SLC25A36: variants seen among roughly 807,000 people sequenced by gnomAD.
The protein encoded by SLC25A36 is epididymis secretory sperm binding protein.
A neutral mutation model predicts 35.3 loss-of-function variants in SLC25A36; 24 were observed. The observed-to-expected ratio is 0.68, with a 90% CI of 0.49 to 0.96. The LOEUF is 0.96. SLC25A36 is among the 40% of genes least tolerant of loss of function. The pLI is 0.00. For missense variants in SLC25A36, 294 were observed against 381.1 expected, an observed-to-expected ratio of 0.77 and a Z score of 1.90; for synonymous variants, 141 against 132.2, an observed-to-expected ratio of 1.07 and a Z score of -0.46.
chr3:140,976,786 CA>C lies in SLC25A36; in HGVS notation c.*334del, dbSNP rs376805711. The C allele has an allele frequency of 3.4e-3, 634 of 185,920 alleles. 5 individuals are homozygous for C. Among genetic ancestry groups the C allele is most frequent in the African/African-American group, 0.014 (599 of 42,738 alleles). 11.5% of individuals were successfully genotyped at this position (185,920 alleles called of 1,614,324 possible). A position where few individuals can be genotyped will look rare whatever the true frequency, so the allele number is the denominator to read the frequency against. On this transcript the variant is annotated 3_prime_UTR_variant, in exon 7 of 7. Coordinates refer to ENST00000324194, the MANE Select transcript of SLC25A36 (RefSeq NM_001104647.3). Reference sequence around the variant, plus strand: ...CTAAACAAAGCCATCCTTAATTTTACATACTGTATTGTAACTATCCAAAGAT... The same window carrying C: ...CTAAACAAAGCCATCCTTAATTTTACTACTGTATTGTAACTATCCAAAGAT...
intron 2 of SLC25A36, 158 bp downstream of exon 2, chr3:140,956,849 TG>T: frequency 8.3e-7 from 1 of 1,210,314 alleles, no homozygotes; most frequent in Non-Finnish European, 1.1e-6. Flanking sequence ...TAATCCCTAA[TG>T]GAGAAGAACA....
At chr3:140,974,720 T>C (rs1423234660) in intron 6 of SLC25A36, among the ~76,000 whole-genome samples, 1 of 152,162 alleles carries the variant, frequency 6.6e-6, no homozygotes, top group Non-Finnish European at 1.5e-5. Context: ...TTAAGATTTG[T>C]TTTTTAATGT....
intron 4 of SLC25A36, chr3:140,964,025 A>G (rs1934699607): frequency 6.6e-6 from 1 of 151,956 alleles, no homozygotes; most frequent in Non-Finnish European, 1.5e-5. Flanking sequence ...GATTTATTGT[A>G]TATTTACTCA....
chr3:140,942,507 C>G (rs1383251063), intron 1 of SLC25A36: 2 of 160,910 alleles, frequency 1.2e-5, no homozygotes, highest in Non-Finnish European at 2.7e-5. Context: ...CGCAATCTAG[C>G]AGGCGTCGGG....
chr3:140,979,208 T>G lies in SLC25A36; in HGVS notation c.*2755T>G, dbSNP rs1294479557. 1 of 152,222 alleles carries G rather than the reference T, an allele frequency of 6.6e-6. No individual in the cohort carries two copies. Among genetic ancestry groups the G allele is most frequent in the Admixed American group, 6.5e-5 (1 of 15,282 alleles). The allele number at this position is 152,222 out of a possible 1,614,324, so 9.4% of individuals were successfully genotyped here. A position where few individuals can be genotyped will look rare whatever the true frequency, so the allele number is the denominator to read the frequency against. The stretch of plus-strand genomic sequence containing the variant: ...AAGTCAGGATAGAATATCATTAGAT[T>G]ATCTGTGAGATAGCATTACTATGTT... On this transcript the variant is annotated 3_prime_UTR_variant, in exon 7 of 7. Coordinates refer to ENST00000324194, the MANE Select transcript of SLC25A36 (RefSeq NM_001104647.3).
chr3:140,956,505 T>G, intron 1 of SLC25A36, 22 bp from the exon 2 acceptor site: 1 of 1,536,752 alleles, frequency 6.5e-7, no homozygotes, highest in Non-Finnish European at 8.7e-7. Flanking sequence ...TAAGCTGTGT[T>G]CTTTTTTTTT....
intron 1 of SLC25A36, among the ~76,000 whole-genome samples, chr3:140,952,366 G>C (rs1412101395): frequency 1.3e-5 from 2 of 152,018 alleles, no homozygotes; most frequent in African/African-American, 2.4e-5. Flanking sequence ...GCTTAGGCTG[G>C]TTTCAAACTC....
intron 4 of SLC25A36, chr3:140,967,084 C>T: frequency 2.2e-6 from 1 of 454,278 alleles, no homozygotes; most frequent in South Asian, 1.6e-5. Flanking sequence ...ATAAGAAACC[C>T]ACCCTGGGAT....
chr3:140,952,824 G>A (rs1934363638), intron 1 of SLC25A36, among the ~76,000 whole-genome samples: 1 of 152,120 alleles, frequency 6.6e-6, no homozygotes, highest in Non-Finnish European at 1.5e-5. Context: ...TTTAATTATA[G>A]AAGTAATTCA....
chr3:140,977,648 A>G lies in SLC25A36; in HGVS notation c.*1195A>G, dbSNP rs1380810155. On this transcript the variant is annotated 3_prime_UTR_variant, in exon 7 of 7. Coordinates refer to ENST00000324194, the MANE Select transcript of SLC25A36 (RefSeq NM_001104647.3). ...TGTGCTAATAGGATGTAGCTTTTAA[A>G]TTCTGCTATTGAGTCAGCTGTACCT... 6.6e-6 allele frequency: 1 copy of G among 152,196 alleles called. No individual in the cohort carries two copies. The highest frequency in any genetic ancestry group is 1.5e-5 in the Non-Finnish European group (1 of 68,020). The allele number at this position is 152,196 out of a possible 1,614,324, so 9.4% of individuals were successfully genotyped here.
chr3:140,963,397 AG>A (rs1411272630), intron 4 of SLC25A36, 170 bp downstream of exon 4: 1 of 511,998 alleles, frequency 2.0e-6, no homozygotes, highest in Non-Finnish European at 3.4e-6. Flanking sequence ...ATCTGTCATC[AG>A]TTGACATTTT....
At chr3:140,966,799 C>A in intron 4 of SLC25A36, 1 of 377,394 alleles carries the variant, frequency 2.6e-6, no homozygotes, top group Admixed American at 3.1e-5. Flanking sequence ...TTTTTTTTAA[C>A]TTAAAATTTT....
intron 6 of SLC25A36, among the ~76,000 whole-genome samples, chr3:140,975,280 T>A (rs1204794914): frequency 6.6e-6 from 1 of 151,526 alleles, no homozygotes; most frequent in African/African-American, 2.4e-5. Flanking sequence ...GCTAATTTTT[T>A]AATTTTTAGT....
At chr3:140,944,854 G>A (rs373622854) in intron 1 of SLC25A36, among the ~76,000 whole-genome samples, 2 of 152,086 alleles carry the variant, frequency 1.3e-5, no homozygotes, top group East Asian at 1.9e-4. Flanking sequence ...TATAATGAAC[G>A]ATATTTGTTA....
intron 2 of SLC25A36, among the ~76,000 whole-genome samples, chr3:140,959,034 G>A (rs1331364106): frequency 4.1e-4 from 17 of 41,858 alleles, no homozygotes; most frequent in Non-Finnish European, 7.5e-4. Context: ...TTTTTTTTTT[G>A]GAGACAGAGT....
At chr3:140,961,315 A>T (rs1934620170) in intron 3 of SLC25A36, among the ~76,000 whole-genome samples, 1 of 152,202 alleles carries the variant, frequency 6.6e-6, no homozygotes, top group African/African-American at 2.4e-5. Flanking sequence ...TAAATGTTTA[A>T]CCTAATCTAA....
At position 140,980,161 on chromosome 3, in the gene SLC25A36, A is replaced by G. The variant is rs901956911; in HGVS notation, c.*3708A>G. On this transcript the variant is annotated 3_prime_UTR_variant, in exon 7 of 7. Transcript: ENST00000324194. ...GTAATCCAACTCCCTCATAGTGTAC[A>G]AAGAAATCTTGCATATCTTCCACAG... 2.6e-5 allele frequency among the ~76,000 whole-genome samples: 4 copies of G among 152,218 alleles called. No individual in the cohort carries two copies. The highest frequency in any genetic ancestry group is 4.4e-5 in the Non-Finnish European group (3 of 68,034).
rs1259122394 is a variant in SLC25A36 at position 140,941,869 on chromosome 3, C to G, written c.-186C>G. 4.0e-6 allele frequency: 2 copies of G among 499,820 alleles called. No homozygotes were observed. The highest frequency in any genetic ancestry group is 7.2e-6 in the Non-Finnish European group (2 of 278,182). The allele number at this position is 499,820 out of a possible 1,614,324, so 31.0% of individuals were successfully genotyped here. A position where few individuals can be genotyped will look rare whatever the true frequency, so the allele number is the denominator to read the frequency against. ...GTGAAGGGCGGCGCGCTTAGGCAGG[C>G]GGTGGCGCGGCTGGAGTGCCGCGGG... On this transcript the variant is annotated 5_prime_UTR_variant, in exon 1 of 7. Coordinates refer to ENST00000324194, the MANE Select transcript of SLC25A36 (RefSeq NM_001104647.3).
At position 140,976,477 on chromosome 3, in the gene SLC25A36, A is replaced by C; in HGVS notation, c.*24A>C. The C allele has an allele frequency of 1.3e-6, 2 of 1,563,440 alleles. No homozygotes were observed. The highest frequency in any genetic ancestry group is 1.7e-6 in the Non-Finnish European group (2 of 1,157,786). ...AGCAGCACGAGGACTGCTGTACTGC[A>C]AAAAAAGAAGACCAAAAGATTACAG... is the stretch of plus-strand genomic sequence containing the variant. On this transcript the variant is annotated 3_prime_UTR_variant, in exon 7 of 7. Coordinates refer to ENST00000324194, the MANE Select transcript of SLC25A36 (RefSeq NM_001104647.3).
Sources: gnomAD v4.1 joint callset for allele counts (sites outside exome capture counted in the v4.1 genomes callset) on GRCh38, gnomAD v4.1.1 for gene constraint, MANE v1.5 for transcripts, NCBI Gene and HGNC (gene_info 2026-07-23, HGNC 2026-07-21) for gene names.